The following STPG2 variants were observed in gnomAD, a reference collection of about 807,000 sequenced individuals.
STPG2 encodes the protein sperm-tail PG-rich repeat-containing protein 2.
Under a neutral mutation model 54.2 loss-of-function variants are expected in STPG2, and 56 were observed. The ratio of observed to expected loss-of-function variants is 1.03; its 90% CI spans 0.83 to 1.29. The LOEUF is 1.29. STPG2 is among the 50% of genes most tolerant of loss of function. STPG2 has a pLI of 0.00. For synonymous variants in STPG2, 200 were observed against 181.8 expected, an observed-to-expected ratio of 1.10 and a Z score of -0.81; for missense variants, 596 against 544.9, an observed-to-expected ratio of 1.09 and a Z score of -0.93.
intron 10 of STPG2, among the ~76,000 whole-genome samples, chr4:97,562,788 A>T (rs1732294585): frequency 6.6e-6 from 1 of 152,062 alleles, no homozygotes. Context: ...CCCAGGGATG[A>T]AGCCCACTTG....
chr4:97,465,100 A>G (rs1343182810), intron 4 of STPG2, among the ~76,000 whole-genome samples: 1 of 152,168 alleles, frequency 6.6e-6, no homozygotes, highest in Non-Finnish European at 1.5e-5. Flanking sequence ...GAGAGAAAGC[A>G]CATGAATATG....
At chr4:97,974,121 C>T (rs1196437334) in intron 6 of STPG2, among the ~76,000 whole-genome samples, 1 of 152,178 alleles carries the variant, frequency 6.6e-6, no homozygotes, top group African/African-American at 2.4e-5. Flanking sequence ...CTTGCATCAG[C>T]ATGACCTGGA....
At chr4:97,458,102 G>C (rs553158412) in intron 4 of STPG2, among the ~76,000 whole-genome samples, 2 of 152,148 alleles carry the variant, frequency 1.3e-5, no homozygotes, top group African/African-American at 4.8e-5. Context: ...ACAGATATTT[G>C]GTATTCAAAG....
intron 10 of STPG2, among the ~76,000 whole-genome samples, chr4:97,598,018 A>T (rs970730127): frequency 1.3e-4 from 18 of 141,532 alleles, no homozygotes; most frequent in South Asian, 2.2e-4. Context: ...GATCTGATTT[A>T]AAAAAAAAAA....
intron 10 of STPG2, among the ~76,000 whole-genome samples, chr4:97,711,758 C>CT (rs1031410646): frequency 7.9e-5 from 12 of 151,130 alleles, no homozygotes; most frequent in Admixed American, 7.9e-4. Context: ...CAAACTCTGC[C>CT]TCCCAGATCC....
chr4:98,041,264 A>G (rs1435649665), intron 5 of STPG2, among the ~76,000 whole-genome samples: 2 of 151,872 alleles, frequency 1.3e-5, no homozygotes, highest in Admixed American at 6.6e-5. Flanking sequence ...ACACAATTTC[A>G]TATCAGCAAC....
chr4:98,108,149 A>G (rs1168944035), intron 4 of STPG2, among the ~76,000 whole-genome samples: 4 of 152,120 alleles, frequency 2.6e-5, no homozygotes, highest in Non-Finnish European at 5.9e-5. Context: ...AATTCAAACA[A>G]TGTTTACTCA....
intron 10 of STPG2, among the ~76,000 whole-genome samples, chr4:97,691,301 C>T (rs543258266): frequency 2.6e-5 from 4 of 152,268 alleles, no homozygotes; most frequent in Admixed American, 2.0e-4. Flanking sequence ...TGTTCACCAG[C>T]TGCCTCGAAA....
intron 10 of STPG2, among the ~76,000 whole-genome samples, chr4:97,566,581 T>C (rs1196060527): frequency 2.0e-5 from 3 of 152,008 alleles, no homozygotes; most frequent in Non-Finnish European, 2.9e-5. Flanking sequence ...CCATCTTGGC[T>C]TGTATGTTTA....
chr4:97,963,472 G>A (rs1278456400), intron 7 of STPG2, among the ~76,000 whole-genome samples: 9 of 152,090 alleles, frequency 5.9e-5, no homozygotes, highest in Non-Finnish European at 1.0e-4. Flanking sequence ...GGGCAGCAAA[G>A]TGAGACCTTG....
intron 10 of STPG2, among the ~76,000 whole-genome samples, chr4:97,574,635 G>T (rs7665223): frequency 0.64 from 96,604 of 151,730 alleles, 31,929 homozygotes; most frequent in African/African-American, 0.83. Context: ...GAGAGTAACC[G>T]TCCCAGGTTT....
intron 8 of STPG2, among the ~76,000 whole-genome samples, chr4:97,903,623 T>C (rs1731266591): frequency 6.6e-6 from 1 of 152,142 alleles, no homozygotes; most frequent in Non-Finnish European, 1.5e-5. Flanking sequence ...GATGGCCGAA[T>C]AGCAACAGCT....
chr4:97,724,968 A>C (rs1168169484), intron 9 of STPG2, among the ~76,000 whole-genome samples: 1 of 152,106 alleles, frequency 6.6e-6, no homozygotes, highest in African/African-American at 2.4e-5. Flanking sequence ...ACCCTAGAAA[A>C]CACTGCTCCC....
At chr4:97,965,713 C>A (rs1020590756) in intron 7 of STPG2, among the ~76,000 whole-genome samples, 10 of 152,180 alleles carry the variant, frequency 6.6e-5, no homozygotes, top group East Asian at 3.9e-4. Context: ...CTGGTGATAA[C>A]CTGGCAAACG....
chr4:97,973,725 T>C (rs1258043544), intron 6 of STPG2, among the ~76,000 whole-genome samples: 1 of 151,690 alleles, frequency 6.6e-6, no homozygotes, highest in Non-Finnish European at 1.5e-5. Flanking sequence ...CAGCCATTGC[T>C]GAAAGGAGCC....
At chr4:97,716,737 T>C (rs1487395629) in intron 9 of STPG2, among the ~76,000 whole-genome samples, 2 of 151,102 alleles carry the variant, frequency 1.3e-5, no homozygotes, top group African/African-American at 4.9e-5. Context: ...ATAATAACAT[T>C]AGGAGAAATA....
intron 4 of STPG2, among the ~76,000 whole-genome samples, chr4:97,552,056 G>A (rs10516421): frequency 0.12 from 17,867 of 152,006 alleles, 1,318 homozygotes; most frequent in Middle Eastern, 0.17. Flanking sequence ...TTAGGGCCAA[G>A]AAAATACTGG....
At chr4:97,631,951 C>A (rs1165991851) in intron 10 of STPG2, among the ~76,000 whole-genome samples, 1 of 151,924 alleles carries the variant, frequency 6.6e-6, no homozygotes, top group Non-Finnish European at 1.5e-5. Context: ...TTAGAAAAAG[C>A]TTATCTTGAA....
At chr4:97,761,261 T>C (rs145456082) in intron 9 of STPG2, among the ~76,000 whole-genome samples, 14 of 152,258 alleles carry the variant, frequency 9.2e-5, no homozygotes, top group African/African-American at 3.4e-4. Context: ...AAGATGAGCT[T>C]ACAGTGGGGT....
Sources: gnomAD v4.1 joint callset for allele counts (sites outside exome capture counted in the v4.1 genomes callset) on GRCh38, gnomAD v4.1.1 for gene constraint, MANE v1.5 for transcripts, NCBI Gene and HGNC (gene_info 2026-07-23, HGNC 2026-07-21) for gene names.